The following PDCD6IP variants were observed in gnomAD, a reference collection of about 807,000 sequenced individuals.
PDCD6IP encodes programmed cell death 6-interacting protein.
Under a neutral mutation model 103.7 loss-of-function variants are expected in PDCD6IP, and 43 were observed. The observed-to-expected ratio is 0.41, with a 90% CI of 0.32 to 0.53. The LOEUF (loss-of-function observed/expected upper bound fraction) is 0.53, where lower values mean the gene tolerates loss of function less well. Ranked by LOEUF, PDCD6IP falls within the 20% of genes least tolerant of loss-of-function variation. The pLI is 0.16. For synonymous variants in PDCD6IP, 354 were observed against 378.7 expected, an observed-to-expected ratio of 0.93 and a Z score of 0.76; for missense variants, 871 against 1,036.7, an observed-to-expected ratio of 0.84 and a Z score of 2.20.
intron 4 of PDCD6IP, among the ~76,000 whole-genome samples, chr3:33,823,500 C>T (rs1180268596): frequency 3.3e-5 from 5 of 152,086 alleles, no homozygotes; most frequent in African/African-American, 1.2e-4. Flanking sequence ...AATGTGAAAA[C>T]GAGCTGGGCG....
Position 33,868,896 on chromosome 3 carries a change from T to A in PDCD6IP, c.*2371T>A, listed in dbSNP as rs1698125599. 6.6e-6 allele frequency: 1 copy of A among 152,208 alleles called. No homozygotes were observed. The highest frequency in any genetic ancestry group is 6.5e-5 in the Admixed American group (1 of 15,282). 9.4% of individuals were successfully genotyped at this position (152,208 alleles called of 1,614,324 possible). A position where few individuals can be genotyped will look rare whatever the true frequency, so the allele number is the denominator to read the frequency against. ...TAATTTTTATCAGTCTGGTATAAAG[T>A]ATTGATCTAAGAGAACTCTCCCTGT... On this transcript the variant is annotated 3_prime_UTR_variant, in exon 18 of 18. Coordinates refer to ENST00000307296, the MANE Select transcript of PDCD6IP (RefSeq NM_013374.6).
chr3:33,817,674 GC>G (rs1575908914), intron 3 of PDCD6IP, among the ~76,000 whole-genome samples: 1 of 151,994 alleles, frequency 6.6e-6, no homozygotes, highest in East Asian at 1.9e-4. Context: ...GATTGCTTGA[GC>G]CTGGGAGGTT....
Position 33,868,713 on chromosome 3 carries a change from A to G in PDCD6IP, c.*2188A>G, listed in dbSNP as rs1254084354. 1 of 152,196 alleles carries G rather than the reference A, an allele frequency of 6.6e-6. No homozygotes were observed. The highest frequency in any genetic ancestry group is 1.5e-5 in the Non-Finnish European group (1 of 68,042). 9.4% of individuals were successfully genotyped at this position (152,196 alleles called of 1,614,324 possible). On this transcript the variant is annotated 3_prime_UTR_variant, in exon 18 of 18. Coordinates refer to ENST00000307296, the MANE Select transcript of PDCD6IP (RefSeq NM_013374.6). ...TCTGTGATTCAGGTGTGTTGTACCC[A>G]TATTTATAATTAGGCTTTATTATCT...
chr3:33,848,325 A>C (rs542095555), intron 12 of PDCD6IP, among the ~76,000 whole-genome samples: 12 of 152,166 alleles, frequency 7.9e-5, no homozygotes, highest in Non-Finnish European at 1.6e-4. Context: ...CTGTAGACAT[A>C]GTTGCTTATT....
intron 3 of PDCD6IP, among the ~76,000 whole-genome samples, chr3:33,815,055 A>G (rs985041548): frequency 4.0e-5 from 6 of 148,696 alleles, no homozygotes; most frequent in African/African-American, 1.5e-4. Flanking sequence ...TAAGATATAG[A>G]TGTATAATAT....
At chr3:33,823,751 T>C (rs1038467963) in intron 4 of PDCD6IP, among the ~76,000 whole-genome samples, 2 of 152,198 alleles carry the variant, frequency 1.3e-5, no homozygotes, top group Non-Finnish European at 2.9e-5. Context: ...CATTGCACTC[T>C]AGTCTGGGCG....
At chr3:33,865,062 G>A (rs1157963180) in intron 16 of PDCD6IP, among the ~76,000 whole-genome samples, 181 bp from the exon 17 acceptor site, 1 of 152,122 alleles carries the variant, frequency 6.6e-6, no homozygotes, top group African/African-American at 2.4e-5. Flanking sequence ...AGTTTCCACA[G>A]GTTGGAAAAT....
intron 1 of PDCD6IP, among the ~76,000 whole-genome samples, chr3:33,805,654 A>T (rs1270926605): frequency 6.6e-6 from 1 of 150,402 alleles, no homozygotes; most frequent in African/African-American, 2.4e-5. Flanking sequence ...TCCTGAACTC[A>T]AGCAGTCCTC....
chr3:33,833,710 G>A (rs1697287842), intron 7 of PDCD6IP, among the ~76,000 whole-genome samples: 1 of 151,942 alleles, frequency 6.6e-6, no homozygotes. Flanking sequence ...ATATTTCTTT[G>A]GTGAGCTTTC....
chr3:33,813,076 A>G (rs1054502995), intron 2 of PDCD6IP, among the ~76,000 whole-genome samples: 1 of 152,224 alleles, frequency 6.6e-6, no homozygotes, highest in African/African-American at 2.4e-5. Flanking sequence ...AATCACGGGT[A>G]TAGCTTGAAT....
intron 1 of PDCD6IP, among the ~76,000 whole-genome samples, chr3:33,810,731 G>C (rs1240241204): frequency 6.6e-6 from 1 of 152,128 alleles, no homozygotes; most frequent in African/African-American, 2.4e-5. Flanking sequence ...GCTTGAGCCT[G>C]GGAGTTCAAG....
chr3:33,829,498 T>TAC lies in PDCD6IP; in HGVS notation c.834+535_834+536dup, dbSNP rs201382488. Among the ~76,000 whole-genome samples the TAC allele has an allele frequency of 3.2e-4, 49 of 152,122 alleles. No individual in the cohort carries two copies. The East Asian group carries it at 7.2e-3, about 22-fold the overall frequency. Reference sequence around the variant, plus strand: ...AGATGTGTGTGCATATATATATATATACACACATATATCTCTTGTGAACAG... The same window carrying TAC: ...AGATGTGTGTGCATATATATATATATACACACACATATATCTCTTGTGAACAG... On this transcript the variant is annotated intron_variant, in intron 7 of 17. Coordinates refer to ENST00000307296, the MANE Select transcript of PDCD6IP (RefSeq NM_013374.6).
chr3:33,829,062 C>A, intron 7 of PDCD6IP, 93 bp downstream of exon 7: 1 of 977,026 alleles, frequency 1.0e-6, no homozygotes, highest in Non-Finnish European at 1.5e-6. Context: ...AAAAACCTTT[C>A]CCGTTCATCA....
At chr3:33,811,153 A>G (rs1473774163) in intron 1 of PDCD6IP, 4 of 394,848 alleles carry the variant, frequency 1.0e-5, no homozygotes, top group South Asian at 3.8e-5. Flanking sequence ...CCAGAGTGCT[A>G]GGATTACAGG....
chr3:33,799,060 G>A, intron 1 of PDCD6IP, 123 bp downstream of exon 1: 1 of 939,844 alleles, frequency 1.1e-6, no homozygotes, highest in Non-Finnish European at 1.5e-6. Context: ...GGCCTGACCA[G>A]GCGCGTAGGT....
intron 1 of PDCD6IP, among the ~76,000 whole-genome samples, chr3:33,801,882 C>T (rs375367591): frequency 6.6e-6 from 1 of 152,164 alleles, no homozygotes; most frequent in East Asian, 1.9e-4. Flanking sequence ...AAAAAGTCTG[C>T]TTATCAGCTT....
intron 6 of PDCD6IP, chr3:33,827,077 A>T (rs1022567383): frequency 8.1e-6 from 8 of 985,426 alleles, no homozygotes; most frequent in Non-Finnish European, 9.6e-6. Context: ...GGGATAAAAA[A>T]TTGGGCTGCT....
intron 10 of PDCD6IP, 90 bp from the exon 11 acceptor site, chr3:33,844,022 C>G: frequency 1.3e-6 from 1 of 760,374 alleles, no homozygotes; most frequent in Non-Finnish European, 2.1e-6. Flanking sequence ...ACCAAATTCT[C>G]ACTTATATTG....
rs1030168366 is a variant in PDCD6IP at position 33,798,743 on chromosome 3, C to T, written c.15C>T (p.Ile5=). The T allele has an allele frequency of 1.9e-6, 3 of 1,565,114 alleles. No homozygotes were observed. Among genetic ancestry groups the T allele is most frequent in the African/African-American group, 1.4e-5 (1 of 73,452 alleles). The change falls in exon 1 of 18, where the codon ATC becomes ATT. Residue 5 remains isoleucine, a synonymous_variant. Transcript: ENST00000307296. ...AGGCGCTGATCATGGCGACATTCAT[C>T]TCGGTGCAGCTGAAAAAGACCTCAG... is the stretch of plus-strand genomic sequence containing the variant. MATF[I]SVQLKKTSEV... is the part of the protein sequence containing the mutation.
Sources: allele counts gnomAD v4.1 joint callset (sites outside exome capture counted in the v4.1 genomes callset), GRCh38; gene constraint gnomAD v4.1.1; transcripts MANE v1.5; gene names NCBI Gene and HGNC (gene_info 2026-07-23, HGNC 2026-07-21).